The following SMOC1 variants were observed in gnomAD, a reference collection of about 807,000 sequenced individuals.
The protein encoded by SMOC1 is SPARC related modular calcium binding 1.
Under a neutral mutation model 56.3 loss-of-function variants are expected in SMOC1, and 22 were observed. The observed-to-expected ratio is 0.39, with a 90% CI of 0.28 to 0.56. The LOEUF (loss-of-function observed/expected upper bound fraction) is 0.56. Ranked by LOEUF, SMOC1 falls within the 20% of genes least tolerant of loss-of-function variation. SMOC1 has a pLI of 0.61. For synonymous variants in SMOC1, 193 were observed against 215.0 expected (o/e 0.90, Z 0.89); for missense variants, 509 against 565.4 (o/e 0.90, Z 1.01).
chr14:70,021,716 C>T (rs543340134), intron 10 of SMOC1, among the ~76,000 whole-genome samples: 35 of 140,520 alleles, frequency 2.5e-4, no homozygotes, highest in African/African-American at 8.8e-4. Flanking sequence ...GGCTTTTTTT[C>T]CCCCCGCATA....
intron 1 of SMOC1, among the ~76,000 whole-genome samples, chr14:69,890,747 C>G (rs1450973691): frequency 1.3e-5 from 2 of 152,146 alleles, no homozygotes; most frequent in African/African-American, 2.4e-5. Context: ...TTCAATTAAC[C>G]TCAGCAGGAC....
intron 1 of SMOC1, among the ~76,000 whole-genome samples, chr14:69,881,021 TC>T (rs1469335637): frequency 2.0e-5 from 3 of 152,318 alleles, no homozygotes; most frequent in African/African-American, 7.2e-5. Flanking sequence ...AAAGTGTTTG[TC>T]CCCGTGTTGG....
Position 69,923,444 on chromosome 14 carries a change from C to A in SMOC1, c.100-28694C>A, listed in dbSNP as rs1056160052. ...GAGCACAGGGGGTAATAGCATGGAC[C>A]AGAAGGAAAGAGAGACCTGTTTCGT... On this transcript the variant is annotated intron_variant, in intron 1 of 11. Transcript: ENST00000361956. Among the ~76,000 whole-genome samples the A allele has an allele frequency of 2.6e-5, 4 of 152,120 alleles. No individual in the cohort carries two copies. In the South Asian group the frequency reaches 8.3e-4, roughly 32 times the overall value.
At chr14:69,928,078 C>T (rs75772531) in intron 1 of SMOC1, among the ~76,000 whole-genome samples, 2,806 of 152,268 alleles carry the variant, frequency 0.018, 81 homozygotes, top group African/African-American at 0.064. Context: ...TGAATGAAGT[C>T]CAGGAAGCTT....
chr14:69,897,063 T>C (rs1006997316), intron 1 of SMOC1, among the ~76,000 whole-genome samples: 4 of 152,180 alleles, frequency 2.6e-5, no homozygotes, highest in African/African-American at 4.8e-5. Flanking sequence ...GTCAGGCTAG[T>C]GACTGTTCGA....
At chr14:69,967,081 G>T (rs1025963785) in intron 3 of SMOC1, among the ~76,000 whole-genome samples, 2 of 152,108 alleles carry the variant, frequency 1.3e-5, no homozygotes, top group Admixed American at 6.6e-5. Context: ...GCCATCTCTT[G>T]TTCTAAACAC....
At chr14:70,026,840 G>A (rs1172435357) in intron 11 of SMOC1, among the ~76,000 whole-genome samples, 1 of 152,162 alleles carries the variant, frequency 6.6e-6, no homozygotes, top group African/African-American at 2.4e-5. Flanking sequence ...CTACACTTAT[G>A]TCTTTAAGTA....
At chr14:69,922,050 G>A (rs899393565) in intron 1 of SMOC1, among the ~76,000 whole-genome samples, 1 of 152,256 alleles carries the variant, frequency 6.6e-6, no homozygotes, top group African/African-American at 2.4e-5. Flanking sequence ...CCAGGTCAGA[G>A]TGAGTGGGCT....
In SMOC1 at chr14:69,961,698, A is replaced by G. The variant is rs1250669121; in HGVS notation, c.378+8166A>G. Reference sequence around the variant, plus strand: ...GCCTGTTTCCATTTTTTTGGCTGTTATAAATAGTACTATTGTGAAGATTTG... The same window carrying G: ...GCCTGTTTCCATTTTTTTGGCTGTTGTAAATAGTACTATTGTGAAGATTTG... On this transcript the variant is annotated intron_variant, in intron 3 of 11. Transcript: ENST00000361956. Among the ~76,000 whole-genome samples the G allele has an allele frequency of 3.3e-5, 5 of 152,132 alleles. No individual in the cohort carries two copies. The East Asian group carries it at 7.7e-4, about 24-fold the overall frequency.
In SMOC1 at chr14:69,881,939, T is replaced by C. The variant is rs1227007377; in HGVS notation, c.99+2162T>C. Among the ~76,000 whole-genome samples, 4 of 152,252 alleles carry C rather than the reference T, an allele frequency of 2.6e-5. No homozygotes were observed. The East Asian group carries it at 7.7e-4, about 29-fold the overall frequency. On this transcript the variant is annotated intron_variant, in intron 1 of 11. Transcript: ENST00000361956. ...TGCCTGAGCTTCCAGTTTATATGGA[T>C]TGAAAAGTTGTGTGCTCTCCCCACC... is the stretch of plus-strand genomic sequence containing the variant.
In SMOC1 at chr14:69,960,866, G is replaced by A. The variant is rs948311765; in HGVS notation, c.378+7334G>A. ...GTTGGCAAACTGTGGTCTGTGGACC[G>A]GCCACCTGTTTTTATTTATTCTTTA... is the stretch of plus-strand genomic sequence containing the variant. On this transcript the variant is annotated intron_variant, in intron 3 of 11. Transcript: ENST00000361956. 4.6e-5 allele frequency among the ~76,000 whole-genome samples: 7 copies of A among 152,206 alleles called. No individual in the cohort carries two copies. In the South Asian group the frequency reaches 6.2e-4, roughly 14 times the overall value.
At chr14:70,026,588 C>T (rs1432607532) in intron 11 of SMOC1, among the ~76,000 whole-genome samples, 1 of 152,240 alleles carries the variant, frequency 6.6e-6, no homozygotes, top group Non-Finnish European at 1.5e-5. Flanking sequence ...TTCAGTTATC[C>T]TCATAGCTTT....
chr14:69,885,636 A>G (rs1883780881), intron 1 of SMOC1: 1 of 1,464,346 alleles, frequency 6.8e-7, no homozygotes, highest in Admixed American at 1.7e-5. Flanking sequence ...GCAGGCAAGA[A>G]GACAACCAGC....
In SMOC1 at chr14:70,010,779, G is replaced by A. The variant is rs1323018425; in HGVS notation, c.690G>A (p.Glu230=). 1.2e-6 allele frequency: 2 copies of A among 1,614,132 alleles called. No homozygotes were observed. The highest frequency in any genetic ancestry group is 8.5e-7 in the Non-Finnish European group (1 of 1,180,050). The part of the protein sequence containing the change: ...NSEKVYSCDQ[E]RQSALEEAQQ... ...AGAAAGTCTATTCGTGTGACCAGGAGAGGCAGAGTGCCCTGGAAGAGGCCC... is the reference window on the plus strand; with the variant it reads ...AGAAAGTCTATTCGTGTGACCAGGAAAGGCAGAGTGCCCTGGAAGAGGCCC... The change falls in exon 8 of 12, where the codon GAG becomes GAA. Residue 230 remains glutamate, a synonymous_variant. Transcript: ENST00000361956.
At chr14:69,881,026 G>A (rs1883623396) in intron 1 of SMOC1, among the ~76,000 whole-genome samples, 1 of 152,192 alleles carries the variant, frequency 6.6e-6, no homozygotes, top group Admixed American at 6.5e-5. Flanking sequence ...GTTTGTCCCC[G>A]TGTTGGGCCA....
chr14:70,024,634 G>C (rs898997243), intron 11 of SMOC1, among the ~76,000 whole-genome samples: 3 of 152,016 alleles, frequency 2.0e-5, no homozygotes, highest in African/African-American at 4.8e-5. Flanking sequence ...GAGGAGTGAA[G>C]CTCTGGAGGC....
chr14:69,976,572 C>A (rs749284880), intron 4 of SMOC1, among the ~76,000 whole-genome samples: 18 of 152,282 alleles, frequency 1.2e-4, no homozygotes, highest in Admixed American at 5.9e-4. Flanking sequence ...AGAAATTGTG[C>A]TTTTTAGGTC....
chr14:69,967,285 T>G (rs1465532450), intron 3 of SMOC1, among the ~76,000 whole-genome samples: 1 of 152,198 alleles, frequency 6.6e-6, no homozygotes, highest in African/African-American at 2.4e-5. Flanking sequence ...CAACAGGCAA[T>G]CCTCCCTAGA....
rs2169070 is a variant in SMOC1 at position 69,944,620 on chromosome 14, A to G, written c.100-7518A>G. Among the ~76,000 whole-genome samples the G allele has an allele frequency of 9.6e-3, 1,463 of 152,302 alleles. 14 individuals are homozygous for G. The highest frequency in any genetic ancestry group is 0.02 in the Middle Eastern group (6 of 294). The stretch of plus-strand genomic sequence containing the variant: ...CTGGCTATTGTTCTTACTCAAGTGC[A>G]TGCGTATGGTAGCTGCCCGAAAAAC... On this transcript the variant is annotated intron_variant, in intron 1 of 11. Transcript: ENST00000361956.
Sources: allele counts gnomAD v4.1 joint callset (sites outside exome capture counted in the v4.1 genomes callset), GRCh38; gene constraint gnomAD v4.1.1; transcripts MANE v1.5; gene names NCBI Gene and HGNC (gene_info 2026-07-23, HGNC 2026-07-21).